DCUN1D2: variants seen among roughly 807,000 people sequenced by gnomAD.
DCUN1D2 encodes the protein defective in cullin neddylation 1 domain containing 2, also known as DCN1-like protein 2.
Under a neutral mutation model 30.9 loss-of-function variants are expected in DCUN1D2, and 29 were observed. The observed-to-expected ratio is 0.94, with a 90% confidence interval of 0.70 to 1.28. The LOEUF is 1.28. Ranked by LOEUF, DCUN1D2 falls within the 50% of genes most tolerant of loss-of-function variation. DCUN1D2 has a pLI of 0.00. For synonymous variants in DCUN1D2, 121 were observed against 115.3 expected, an observed-to-expected ratio of 1.05 and a Z score of -0.32; for missense variants, 325 against 316.9, an observed-to-expected ratio of 1.03 and a Z score of -0.19.
Position 113,480,535 on chromosome 13 carries a change from T to A in DCUN1D2, c.389+40A>T, listed in dbSNP as rs529521049. 3.4e-4 allele frequency: 545 copies of A among 1,606,760 alleles called. 2 individuals are homozygous for A. In the South Asian group the frequency reaches 4.4e-3, roughly 13 times the overall value. On this transcript the variant is annotated intron_variant, in intron 3 of 6. Coordinates refer to ENST00000478244, the MANE Select transcript of DCUN1D2 (RefSeq NM_001014283.2). ...CTGAAAAATAATGTTAGAAGTATTT[T>A]CATTTCTGAAAACATTTAAGCTAAG...
At chr13:113,460,805 G>A (rs531259645) in intron 5 of DCUN1D2, among the ~76,000 whole-genome samples, 2 of 152,360 alleles carry the variant, frequency 1.3e-5, no homozygotes, top group East Asian at 1.9e-4. Context: ...AGCCTGAGAG[G>A]AGCTTCCCGT....
At chr13:113,461,198 AC>A (rs2044312950) in intron 4 of DCUN1D2, 62 bp from the exon 5 acceptor site, 1 of 1,040,392 alleles carries the variant, frequency 9.6e-7, no homozygotes, top group African/African-American at 1.6e-5. Context: ...TGCACAAAAA[AC>A]GACCACTTCT....
chr13:113,457,789 A>C lies in DCUN1D2; in HGVS notation c.*240T>G. 1 of 477,032 alleles carries C rather than the reference A, an allele frequency of 2.1e-6. No individual in the cohort carries two copies. The highest frequency in any genetic ancestry group is 3.8e-6 in the Non-Finnish European group (1 of 263,242). The allele number at this position is 477,032 out of a possible 1,614,324, so 29.5% of individuals were successfully genotyped here. ...TTAAAAAATCATGCAGAAATTTCCT[A>C]ACGCAAAAGCTATGATGACAAATCT... is the stretch of plus-strand genomic sequence containing the variant. On this transcript the variant is annotated 3_prime_UTR_variant, in exon 7 of 7. Coordinates refer to ENST00000478244, the MANE Select transcript of DCUN1D2 (RefSeq NM_001014283.2).
intron 4 of DCUN1D2, among the ~76,000 whole-genome samples, chr13:113,465,111 A>G (rs1196201439): frequency 6.6e-6 from 1 of 152,258 alleles, no homozygotes; most frequent in African/African-American, 2.4e-5. Context: ...GCAGAGTATC[A>G]ATAAATATAA....
intron 4 of DCUN1D2, among the ~76,000 whole-genome samples, chr13:113,466,882 C>A (rs2044413266): frequency 6.7e-6 from 1 of 149,296 alleles, no homozygotes; most frequent in Non-Finnish European, 1.5e-5. Flanking sequence ...TCTCGGCTCA[C>A]TGCAAGCTCC....
chr13:113,480,524 T>G, intron 3 of DCUN1D2, 51 bp downstream of exon 3: 1 of 1,596,234 alleles, frequency 6.3e-7, no homozygotes. Context: ...AAAATAATGT[T>G]AGAAGTATTT....
At position 113,457,488 on chromosome 13, in the gene DCUN1D2, G is replaced by A. The variant is rs75253602; in HGVS notation, c.*541C>T. 1 of 152,210 alleles carries A rather than the reference G, an allele frequency of 6.6e-6. No individual in the cohort carries two copies. Among genetic ancestry groups the A allele is most frequent in the African/African-American group, 2.4e-5 (1 of 41,454 alleles). The allele number at this position is 152,210 out of a possible 1,614,324, so 9.4% of individuals were successfully genotyped here. A position where few individuals can be genotyped will look rare whatever the true frequency, so the allele number is the denominator to read the frequency against. ...TAGAGCTGGTAAATCTAGATATTTG[G>A]TAATTCAAAAAATATAAATCGTGAA... On this transcript the variant is annotated 3_prime_UTR_variant, in exon 7 of 7. Transcript: ENST00000478244.
intron 2 of DCUN1D2, 96 bp from the exon 3 acceptor site, chr13:113,480,839 G>T: frequency 1.5e-6 from 2 of 1,298,062 alleles, no homozygotes; most frequent in Non-Finnish European, 2.2e-6. Flanking sequence ...ATACTACATA[G>T]TTCTAGCAAG....
At chr13:113,471,626 A>G (rs1437959231) in intron 4 of DCUN1D2, among the ~76,000 whole-genome samples, 1 of 152,236 alleles carries the variant, frequency 6.6e-6, no homozygotes, top group Non-Finnish European at 1.5e-5. Context: ...TCAAAGCAAA[A>G]GAAAAAATGG....
intron 4 of DCUN1D2, among the ~76,000 whole-genome samples, chr13:113,470,222 C>A (rs577957302): frequency 6.6e-6 from 1 of 152,318 alleles, no homozygotes; most frequent in East Asian, 1.9e-4. Flanking sequence ...TACAGTCACA[C>A]GCTGTCCAGG....
intron 4 of DCUN1D2, among the ~76,000 whole-genome samples, chr13:113,470,897 C>T (rs559384546): frequency 1.3e-5 from 2 of 150,292 alleles, no homozygotes; most frequent in African/African-American, 4.9e-5. Context: ...GACCCAACTC[C>T]ACAGGGGACC....
intron 5 of DCUN1D2, 47 bp from the exon 6 acceptor site, chr13:113,459,455 G>A: frequency 1.2e-6 from 1 of 859,902 alleles, no homozygotes; most frequent in Non-Finnish European, 2.0e-6. Flanking sequence ...AAAATACAGA[G>A]CTTAACTCTC....
At chr13:113,478,019 A>G (rs960432020) in intron 3 of DCUN1D2, among the ~76,000 whole-genome samples, 2 of 152,204 alleles carry the variant, frequency 1.3e-5, no homozygotes, top group African/African-American at 4.8e-5. Flanking sequence ...TCCATTCTCA[A>G]ATGTTCTTCC....
At chr13:113,480,281 C>G (rs997092714) in intron 3 of DCUN1D2, among the ~76,000 whole-genome samples, 3 of 151,704 alleles carry the variant, frequency 2.0e-5, no homozygotes, top group African/African-American at 7.3e-5. Context: ...TGAACTGAAC[C>G]TGGCATTTAC....
chr13:113,486,821 T>C (rs2260892), intron 1 of DCUN1D2, among the ~76,000 whole-genome samples: 67,385 of 152,130 alleles, frequency 0.44, 17,706 homozygotes, highest in African/African-American at 0.74. Context: ...GAAGCCTTCA[T>C]TCAGCCAACT....
At chr13:113,467,884 T>G (rs1251667182) in intron 4 of DCUN1D2, among the ~76,000 whole-genome samples, 1 of 150,846 alleles carries the variant, frequency 6.6e-6, no homozygotes, top group African/African-American at 2.4e-5. Context: ...TCTCTACTAA[T>G]AATACAAAAA....
At position 113,480,648 on chromosome 13, in the gene DCUN1D2, C is replaced by T. The variant is rs780562128; in HGVS notation, c.316G>A (p.Ala106Thr). The change falls in exon 3 of 7, where the codon GCG (alanine) becomes ACG (threonine). Residue 106 changes from alanine to threonine, a missense_variant. Ala to Thr is a moderately conservative substitution (Grantham distance 58). Coordinates refer to ENST00000478244, the MANE Select transcript of DCUN1D2 (RefSeq NM_001014283.2). ...DPASISVLVI[A>T]WKFRAATQCE... is the part of the protein sequence containing the mutation. ...TGAGTTGCTGCCCTGAACTTCCACG[C>T]TATGACCAATACACTGATACTGGCA... The T allele has an allele frequency of 4.3e-6, 7 of 1,614,030 alleles. No homozygotes were observed. Among genetic ancestry groups the T allele is most frequent in the Non-Finnish European group, 5.9e-6 (7 of 1,180,036 alleles).
intron 4 of DCUN1D2, among the ~76,000 whole-genome samples, chr13:113,463,922 G>A (rs1055076906): frequency 9.9e-5 from 15 of 152,278 alleles, no homozygotes; most frequent in African/African-American, 3.6e-4. Context: ...TTGGACACTT[G>A]TCTTGACCTG....
intron 3 of DCUN1D2, among the ~76,000 whole-genome samples, chr13:113,478,371 G>A (rs529740500): frequency 9.4e-4 from 139 of 148,238 alleles, no homozygotes; most frequent in African/African-American, 3.1e-3. Context: ...CTATTATCTC[G>A]TCCCCCTTTT....
Sources: gnomAD v4.1 joint callset for allele counts (sites outside exome capture counted in the v4.1 genomes callset) on GRCh38, gnomAD v4.1.1 for gene constraint, MANE v1.5 for transcripts, NCBI Gene and HGNC (gene_info 2026-07-23, HGNC 2026-07-21) for gene names.